The following KIF5C variants were observed in gnomAD, a reference collection of about 807,000 sequenced individuals.
The protein encoded by KIF5C is kinesin heavy chain isoform 5C.
KIF5C carries 18 observed loss-of-function variants against 125.2 expected under a neutral mutation model. That is an observed-to-expected ratio of 0.14 (90% CI 0.10 to 0.21). The LOEUF (loss-of-function observed/expected upper bound fraction) is 0.21, where lower values mean the gene tolerates loss of function less well. Ranked by LOEUF, KIF5C falls within the 10% of genes least tolerant of loss-of-function variation. KIF5C has a pLI of 1.00. For missense variants in KIF5C, 780 were observed against 1,183.8 expected, an observed-to-expected ratio of 0.66 and a Z score of 5.01; for synonymous variants, 405 against 434.0, an observed-to-expected ratio of 0.93 and a Z score of 0.83.
At chr2:148,896,839 CTCTT>C (rs1343640477) in intron 1 of KIF5C, among the ~76,000 whole-genome samples, 1 of 151,812 alleles carries the variant, frequency 6.6e-6, no homozygotes, top group East Asian at 1.9e-4. Context: ...CTCTCTCTCT[CTCTT>C]TCTTTCTGAT....
At chr2:148,960,709 G>A (rs1331699545) in intron 10 of KIF5C, among the ~76,000 whole-genome samples, 1 of 152,210 alleles carries the variant, frequency 6.6e-6, no homozygotes, top group Non-Finnish European at 1.5e-5. Flanking sequence ...GGTGAGGACT[G>A]CTGAATTTCT....
rs375029351 is a variant in KIF5C, at chr2:148,942,614, T to C, written c.502-59T>C. The C allele has an allele frequency of 3.1e-5, 48 of 1,555,312 alleles. No homozygotes were observed. The African/African-American group carries it at 6.1e-4, about 20-fold the overall frequency. On this transcript the variant is annotated intron_variant, in intron 6 of 25. Coordinates refer to ENST00000435030, the MANE Select transcript of KIF5C (RefSeq NM_004522.3). ...ATAAACAGGAAAATGTTTCAGCCTTTCAAAATATTGTTGCTTTTCAACTCT... is the reference window on the plus strand; with the variant it reads ...ATAAACAGGAAAATGTTTCAGCCTTCCAAAATATTGTTGCTTTTCAACTCT...
At chr2:148,902,097 G>T (rs73007583) in intron 1 of KIF5C, among the ~76,000 whole-genome samples, 27,431 of 152,066 alleles carry the variant, frequency 0.18, 4,119 homozygotes, top group African/African-American at 0.41. Context: ...AACAGTCAGC[G>T]TTGGTCCATA....
intron 1 of KIF5C, among the ~76,000 whole-genome samples, chr2:148,916,926 T>C (rs530077708): frequency 6.6e-6 from 1 of 152,314 alleles, no homozygotes; most frequent in Non-Finnish European, 1.5e-5. Context: ...TACCCTCTCC[T>C]GATCTTTCTT....
At chr2:148,886,103 T>C (rs1681517569) in intron 1 of KIF5C, 1 of 152,240 alleles carries the variant, frequency 6.6e-6, no homozygotes, top group East Asian at 1.9e-4. Context: ...TGGATAGTCA[T>C]GGGGGAAGGG....
intron 21 of KIF5C, among the ~76,000 whole-genome samples, chr2:149,001,164 C>T (rs1175475798): frequency 6.6e-6 from 1 of 152,198 alleles, no homozygotes; most frequent in African/African-American, 2.4e-5. Flanking sequence ...AGATCCCTGT[C>T]CTCATGAAGC....
chr2:148,896,322 G>C (rs7568726), intron 1 of KIF5C, among the ~76,000 whole-genome samples: 1,876 of 152,306 alleles, frequency 0.012, 44 homozygotes, highest in African/African-American at 0.043. Context: ...CAAAGGAGTA[G>C]AGAGGCCACG....
chr2:148,897,999 G>GAGA (rs1165026879), intron 1 of KIF5C, among the ~76,000 whole-genome samples: 9 of 131,168 alleles, frequency 6.9e-5, no homozygotes. Context: ...CTGGCTAGCA[G>GAGA]AGAAAGCTCA....
At chr2:148,954,164 C>T (rs926444696) in intron 10 of KIF5C, among the ~76,000 whole-genome samples, 4 of 152,056 alleles carry the variant, frequency 2.6e-5, no homozygotes, top group Middle Eastern at 6.8e-3. Flanking sequence ...TGATGGTTTC[C>T]AGCATTCTGG....
At chr2:149,010,767 C>T (rs532468239) in intron 24 of KIF5C, among the ~76,000 whole-genome samples, 7 of 152,306 alleles carry the variant, frequency 4.6e-5, no homozygotes, top group African/African-American at 1.7e-4. Flanking sequence ...CCAGGGAAAG[C>T]CTCCAAGTGC....
At chr2:148,899,580 G>A (rs905102699) in intron 1 of KIF5C, among the ~76,000 whole-genome samples, 4 of 151,552 alleles carry the variant, frequency 2.6e-5, no homozygotes, top group Non-Finnish European at 5.9e-5. Context: ...GTGGGCGCCT[G>A]TAATCCCAGC....
chr2:148,917,282 T>G (rs1448216928), intron 1 of KIF5C, among the ~76,000 whole-genome samples: 1 of 152,200 alleles, frequency 6.6e-6, no homozygotes, highest in Admixed American at 6.5e-5. Flanking sequence ...TTTTGTTACC[T>G]CATAATCACT....
chr2:148,961,839 T>G (rs951068873), intron 10 of KIF5C, 132 bp from the exon 11 acceptor site: 7 of 1,303,576 alleles, frequency 5.4e-6, no homozygotes, highest in Non-Finnish European at 7.3e-6. Flanking sequence ...GGAGGATGGT[T>G]GGTGAAAGCC....
intron 1 of KIF5C, among the ~76,000 whole-genome samples, chr2:148,919,599 T>G (rs1354349154): frequency 6.6e-6 from 1 of 152,178 alleles, no homozygotes; most frequent in Non-Finnish European, 1.5e-5. Context: ...ATTTGTGAGA[T>G]TTTCATACCA....
chr2:149,005,160 G>C (rs1681968646), intron 21 of KIF5C, among the ~76,000 whole-genome samples: 1 of 152,132 alleles, frequency 6.6e-6, no homozygotes, highest in African/African-American at 2.4e-5. Context: ...GGCAGGCTTT[G>C]TTCTGGTTTA....
At chr2:148,941,707 G>A (rs550222489) in intron 5 of KIF5C, 49 bp downstream of exon 5, 23 of 1,541,880 alleles carry the variant, frequency 1.5e-5, no homozygotes, top group African/African-American at 1.1e-4. Flanking sequence ...ACGAAAGTCC[G>A]GGGAGGTTGA....
At chr2:148,933,119 T>A (rs1682215224) in intron 3 of KIF5C, among the ~76,000 whole-genome samples, 1 of 152,082 alleles carries the variant, frequency 6.6e-6, no homozygotes, top group Admixed American at 6.5e-5. Context: ...TTCACTGTTC[T>A]TTCTCAGTTC....
At chr2:148,912,720 A>G (rs1681388765) in intron 1 of KIF5C, among the ~76,000 whole-genome samples, 1 of 152,252 alleles carries the variant, frequency 6.6e-6, no homozygotes, top group African/African-American at 2.4e-5. Flanking sequence ...AAGTACTGGG[A>G]TTACAGGTAT....
At chr2:148,968,872 A>G (rs1680820482) in intron 11 of KIF5C, among the ~76,000 whole-genome samples, 2 of 152,154 alleles carry the variant, frequency 1.3e-5, no homozygotes, top group African/African-American at 2.4e-5. Flanking sequence ...TGATACAGAA[A>G]TTACCTACCA....
Sources: gnomAD v4.1 joint callset for allele counts (sites outside exome capture counted in the v4.1 genomes callset) on GRCh38, gnomAD v4.1.1 for gene constraint, MANE v1.5 for transcripts, NCBI Gene and HGNC (gene_info 2026-07-23, HGNC 2026-07-21) for gene names.